CTNNA2: variants seen among roughly 807,000 people sequenced by gnomAD.
CTNNA2 encodes catenin alpha 2.
CTNNA2 carries 42 observed loss-of-function variants against 101.0 expected under a neutral mutation model. The ratio of observed to expected loss-of-function variants is 0.42; its 90% CI spans 0.32 to 0.54. CTNNA2 has a LOEUF of 0.54. Among genes scored for constraint, CTNNA2 ranks in the 20% least tolerant of loss-of-function variants. The probability of loss-of-function intolerance (pLI) is 0.14; values close to 1 mark genes in which losing one functional copy is unlikely to be tolerated. For missense variants in CTNNA2, 871 were observed against 1,223.1 expected, an observed-to-expected ratio of 0.71 and a Z score of 4.29; for synonymous variants, 450 against 456.4, an observed-to-expected ratio of 0.99 and a Z score of 0.18.
At chr2:80,239,370 T>G (rs549020838) in intron 7 of CTNNA2, among the ~76,000 whole-genome samples, 2 of 152,226 alleles carry the variant, frequency 1.3e-5, no homozygotes, top group East Asian at 3.9e-4. Context: ...TGTTTGTGTA[T>G]GTGTGTGGGG....
At chr2:79,313,942 C>G (rs1007233068) in intron 3 of CTNNA2, among the ~76,000 whole-genome samples, 2 of 152,126 alleles carry the variant, frequency 1.3e-5, no homozygotes, top group African/African-American at 4.8e-5. Flanking sequence ...AAATGCAGCG[C>G]TTGTTCAGAG....
At chr2:80,562,432 T>A (rs556478048) in intron 12 of CTNNA2, among the ~76,000 whole-genome samples, 1 of 152,128 alleles carries the variant, frequency 6.6e-6, no homozygotes, top group Non-Finnish European at 1.5e-5. Context: ...CCATTACCCA[T>A]CAGAATGGCA....
intron 2 of CTNNA2, among the ~76,000 whole-genome samples, chr2:79,735,673 G>A (rs922186412): frequency 2.0e-5 from 3 of 152,162 alleles, no homozygotes; most frequent in African/African-American, 4.8e-5. Flanking sequence ...AGTATAATAC[G>A]TTAATTATAG....
chr2:79,199,163 T>G (rs1674000618), intron 2 of CTNNA2, among the ~76,000 whole-genome samples: 1 of 152,182 alleles, frequency 6.6e-6, no homozygotes. Context: ...AATGCAAAGT[T>G]TTCCACTGAA....
intron 4 of CTNNA2, among the ~76,000 whole-genome samples, chr2:79,414,735 G>A (rs1044490899): frequency 6.6e-6 from 1 of 151,994 alleles, no homozygotes; most frequent in Non-Finnish European, 1.5e-5. Context: ...GCAAAAGCTA[G>A]GCTAGTCTCT....
chr2:80,250,648 T>C (rs1475855184), intron 7 of CTNNA2, among the ~76,000 whole-genome samples: 1 of 152,064 alleles, frequency 6.6e-6, no homozygotes, highest in Non-Finnish European at 1.5e-5. Context: ...GAGAGGTTAG[T>C]AAGTGTCATT....
intron 1 of CTNNA2, among the ~76,000 whole-genome samples, chr2:79,535,843 G>C (rs1375887982): frequency 6.6e-6 from 1 of 152,044 alleles, no homozygotes; most frequent in East Asian, 1.9e-4. Context: ...TTGTATAGCT[G>C]CACATTGTCA....
intron 7 of CTNNA2, among the ~76,000 whole-genome samples, chr2:80,287,212 A>G (rs1215638392): frequency 6.6e-6 from 1 of 152,190 alleles, no homozygotes; most frequent in African/African-American, 2.4e-5. Flanking sequence ...GAGTAGAAAG[A>G]AAAGGAGAGG....
chr2:79,850,979 C>G (rs1680655723), intron 3 of CTNNA2, among the ~76,000 whole-genome samples: 1 of 152,216 alleles, frequency 6.6e-6, no homozygotes, highest in Admixed American at 6.5e-5. Flanking sequence ...CTGCTGGAAC[C>G]ATCCCAGAAG....
At chr2:79,268,028 C>A (rs1246352984) in intron 2 of CTNNA2, among the ~76,000 whole-genome samples, 2 of 152,120 alleles carry the variant, frequency 1.3e-5, no homozygotes, top group African/African-American at 2.4e-5. Flanking sequence ...GCAGAAGATT[C>A]CCTTCTCAAA....
At chr2:80,181,288 G>A (rs1705759534) in intron 7 of CTNNA2, among the ~76,000 whole-genome samples, 1 of 152,126 alleles carries the variant, frequency 6.6e-6, no homozygotes, top group Non-Finnish European at 1.5e-5. Context: ...AAGGCTGATG[G>A]CAGCATGGGT....
chr2:79,821,270 G>A (rs1574057138), intron 3 of CTNNA2, among the ~76,000 whole-genome samples: 1 of 152,090 alleles, frequency 6.6e-6, no homozygotes, highest in African/African-American at 2.4e-5. Context: ...GTGTAGTGGT[G>A]TGATCATAGC....
intron 7 of CTNNA2, among the ~76,000 whole-genome samples, chr2:80,011,417 G>A (rs539196980): frequency 1.3e-5 from 2 of 152,138 alleles, no homozygotes; most frequent in Non-Finnish European, 2.9e-5. Context: ...TTTTCTTGCT[G>A]CCTTGGCACA....
intron 8 of CTNNA2, among the ~76,000 whole-genome samples, chr2:80,417,033 T>C (rs1680103540): frequency 6.6e-6 from 1 of 152,034 alleles, no homozygotes; most frequent in South Asian, 2.1e-4. Context: ...CGTTTTTCTT[T>C]AGAATTCAGT....
chr2:80,561,601 C>T (rs1397033859), intron 12 of CTNNA2, among the ~76,000 whole-genome samples: 8 of 152,096 alleles, frequency 5.3e-5, no homozygotes, highest in Admixed American at 1.3e-4. Context: ...GGAACCACAC[C>T]ATTATGAATC....
chr2:79,578,887 A>G lies in CTNNA2; in HGVS notation c.-6+65680A>G, dbSNP rs1675965088. 2.0e-5 allele frequency among the ~76,000 whole-genome samples: 3 copies of G among 151,974 alleles called. 1 individual carries two copies. In the South Asian group the frequency reaches 6.2e-4, roughly 32 times the overall value. ...AATGTGGGGCCTCTAAATAGTATAT[A>G]TCTGTTCATTTAAAAACCATCCTGG... On this transcript the variant is annotated intron_variant, in intron 1 of 18. Transcript: ENST00000402739.
intron 4 of CTNNA2, among the ~76,000 whole-genome samples, chr2:79,424,060 A>G (rs1013705405): frequency 9.9e-5 from 15 of 152,048 alleles, no homozygotes; most frequent in African/African-American, 3.1e-4. Flanking sequence ...GTTAGAACTG[A>G]TGGGGAAAGA....
chr2:80,460,477 A>G (rs1335882869), intron 9 of CTNNA2, among the ~76,000 whole-genome samples: 1 of 152,162 alleles, frequency 6.6e-6, no homozygotes, highest in Non-Finnish European at 1.5e-5. Flanking sequence ...GCTTTAAGAA[A>G]AAGCTGGAGA....
chr2:79,842,993 C>A (rs1201476729), intron 3 of CTNNA2, among the ~76,000 whole-genome samples: 2 of 152,250 alleles, frequency 1.3e-5, no homozygotes, highest in East Asian at 1.9e-4. Context: ...TAGATTTGTA[C>A]AATGCTGCCA....
Sources: allele counts gnomAD v4.1 joint callset (sites outside exome capture counted in the v4.1 genomes callset), GRCh38; gene constraint gnomAD v4.1.1; transcripts MANE v1.5; gene names NCBI Gene and HGNC (gene_info 2026-07-23, HGNC 2026-07-21).